The following PCSK2 variants were observed in gnomAD, a reference collection of about 807,000 sequenced individuals.
The protein encoded by PCSK2 is neuroendocrine convertase 2.
PCSK2 carries 14 observed loss-of-function variants against 69.7 expected under a neutral mutation model. The ratio of observed to expected loss-of-function variants is 0.20; its 90% CI spans 0.13 to 0.31. The LOEUF (loss-of-function observed/expected upper bound fraction) is 0.31, where lower values mean the gene tolerates loss of function less well. PCSK2 is among the 10% of genes least tolerant of loss of function. PCSK2 has a pLI of 1.00. For synonymous variants in PCSK2, 307 were observed against 320.7 expected (o/e 0.96, Z 0.46); for missense variants, 544 against 842.5 (o/e 0.65, Z 4.39).
At chr20:17,226,804 G>T (rs1412735741), upstream of PCSK2, among the ~76,000 whole-genome samples, 1 of 144,548 alleles carries the variant, frequency 6.9e-6, no homozygotes, top group African/African-American at 2.5e-5. Flanking sequence ...GGCTCGCTGC[G>T]CTGCGCTGCG....
chr20:17,299,875 CT>C (rs1298288243), intron 2 of PCSK2, among the ~76,000 whole-genome samples: 1 of 152,192 alleles, frequency 6.6e-6, no homozygotes, highest in Non-Finnish European at 1.5e-5. Flanking sequence ...GAAAAACACT[CT>C]TTCCCCTATC....
chr20:17,429,438 C>T lies in PCSK2; in HGVS notation c.624C>T (p.His208=), dbSNP rs114984146. ...GTGTCTTTATATTTTTCCAAAGCCA[C>T]GGGACCCGATGTGCAGGAGAAGTTT... ...PRYTDDWFNS[H]GTRCAGEVSA... is the part of the protein sequence containing the mutation. Residue 208 remains histidine (H), a synonymous_variant, in exon 7 of 12, where the codon CAC becomes CAT. Coordinates refer to ENST00000262545, the MANE Select transcript of PCSK2 (RefSeq NM_002594.5). The T allele has an allele frequency of 3.4e-4, 543 of 1,613,338 alleles. 3 individuals are homozygous for T. The African/African-American group carries it at 5.6e-3, about 17-fold the overall frequency.
At chr20:17,380,369 G>A (rs1568625953) in intron 5 of PCSK2, among the ~76,000 whole-genome samples, 2 of 152,004 alleles carry the variant, frequency 1.3e-5, no homozygotes, top group African/African-American at 4.8e-5. Flanking sequence ...TGCCACATGG[G>A]GCCCTTTCAT....
chr20:17,308,300 G>A (rs1293692629), intron 2 of PCSK2, among the ~76,000 whole-genome samples: 1 of 152,160 alleles, frequency 6.6e-6, no homozygotes, highest in Non-Finnish European at 1.5e-5. Context: ...TGAGATTTTG[G>A]TGGCGAAACA....
Position 17,296,340 on chromosome 20 carries a change from A to G in PCSK2, c.282+35996A>G, listed in dbSNP as rs561208878. ...ATTGAGTTAATTAGCTACATAAATC[A>G]TGAAATATAAGTTGTTCTTATCTAA... is the stretch of plus-strand genomic sequence containing the variant. On this transcript the variant is annotated intron_variant, in intron 2 of 11. Transcript: ENST00000262545. Among the ~76,000 whole-genome samples, 186 of 152,246 alleles carry G rather than the reference A, an allele frequency of 1.2e-3. 1 individual carries two copies. Among genetic ancestry groups the G allele is most frequent in the Non-Finnish European group, 2.4e-3 (161 of 68,048 alleles).
At chr20:17,295,761 G>A (rs998529065) in intron 2 of PCSK2, among the ~76,000 whole-genome samples, 1 of 151,924 alleles carries the variant, frequency 6.6e-6, no homozygotes, top group African/African-American at 2.4e-5. Context: ...TTACTATGTT[G>A]CCCAGGCTGT....
intron 2 of PCSK2, among the ~76,000 whole-genome samples, chr20:17,310,569 G>A (rs1989473001): frequency 6.6e-6 from 1 of 151,658 alleles, no homozygotes; most frequent in Non-Finnish European, 1.5e-5. Flanking sequence ...ATATTTTCTT[G>A]AATTGAAATA....
intron 2 of PCSK2, among the ~76,000 whole-genome samples, chr20:17,262,061 T>A (rs997970920): frequency 2.6e-5 from 4 of 152,240 alleles, no homozygotes; most frequent in Admixed American, 2.0e-4. Flanking sequence ...TTTCCCATTC[T>A]AACACATATG....
chr20:17,425,548 A>C (rs996391509), intron 6 of PCSK2, among the ~76,000 whole-genome samples: 17 of 152,246 alleles, frequency 1.1e-4, no homozygotes, highest in Non-Finnish European at 2.2e-4. Flanking sequence ...GTAGGATCTA[A>C]TAAAATTATA....
intron 5 of PCSK2, among the ~76,000 whole-genome samples, chr20:17,392,886 A>G (rs1181856548): frequency 8.5e-5 from 13 of 152,186 alleles, no homozygotes; most frequent in Admixed American, 8.5e-4. Context: ...ATATACATCT[A>G]CACACAGATT....
At chr20:17,346,634 G>A (rs1265519920) in intron 2 of PCSK2, among the ~76,000 whole-genome samples, 2 of 152,178 alleles carry the variant, frequency 1.3e-5, no homozygotes, top group East Asian at 1.9e-4. Flanking sequence ...AGAGGAACAT[G>A]TCATTTTGGC....
At chr20:17,463,994 A>G (rs574483106) in intron 10 of PCSK2, 49 of 152,290 alleles carry the variant, frequency 3.2e-4, no homozygotes, top group African/African-American at 1.2e-3. Flanking sequence ...CCCTCCAAGT[A>G]TTTCATGAAA....
At chr20:17,285,708 A>G (rs571336953) in intron 2 of PCSK2, among the ~76,000 whole-genome samples, 3 of 152,268 alleles carry the variant, frequency 2.0e-5, no homozygotes, top group Non-Finnish European at 2.9e-5. Context: ...ACATGTACAA[A>G]CCCTGGATGG....
intron 2 of PCSK2, among the ~76,000 whole-genome samples, chr20:17,355,767 C>T (rs2123205360): frequency 6.6e-6 from 1 of 152,222 alleles, no homozygotes; most frequent in Non-Finnish European, 1.5e-5. Flanking sequence ...TGAAATCTGT[C>T]ACTGTGCCAA....
chr20:17,437,520 C>A (rs1027517972), intron 8 of PCSK2, among the ~76,000 whole-genome samples: 1 of 152,158 alleles, frequency 6.6e-6, no homozygotes, highest in African/African-American at 2.4e-5. Context: ...GGAGACATGA[C>A]CCCAGGCTCA....
chr20:17,258,826 C>T (rs183475162), intron 1 of PCSK2, among the ~76,000 whole-genome samples: 2 of 151,030 alleles, frequency 1.3e-5, no homozygotes, highest in Admixed American at 1.3e-4. Flanking sequence ...CTAAAACTCA[C>T]TCATTTGACT....
intron 2 of PCSK2, among the ~76,000 whole-genome samples, chr20:17,275,570 C>T (rs981738109): frequency 6.6e-6 from 1 of 152,092 alleles, no homozygotes; most frequent in Non-Finnish European, 1.5e-5. Flanking sequence ...TTTGTGCTGA[C>T]AAATCTAAAA....
chr20:17,433,561 G>C (rs920497710), intron 7 of PCSK2, among the ~76,000 whole-genome samples: 1 of 152,180 alleles, frequency 6.6e-6, no homozygotes, highest in African/African-American at 2.4e-5. Context: ...TGCAGCCCCC[G>C]GGGCACCAGG....
At chr20:17,328,156 C>T (rs1260712104) in intron 2 of PCSK2, among the ~76,000 whole-genome samples, 2 of 152,074 alleles carry the variant, frequency 1.3e-5, no homozygotes, top group South Asian at 2.1e-4. Context: ...AATTTCCAAA[C>T]GGTAGTTACA....
Sources: allele counts gnomAD v4.1 joint callset (sites outside exome capture counted in the v4.1 genomes callset), GRCh38; gene constraint gnomAD v4.1.1; transcripts MANE v1.5; gene names NCBI Gene and HGNC (gene_info 2026-07-23, HGNC 2026-07-21).